MINDY3: variants seen among roughly 807,000 people sequenced by gnomAD.
MINDY3 encodes MINDY lysine 48 deubiquitinase 3.
MINDY3 carries 38 observed loss-of-function variants against 69.2 expected under a neutral mutation model. The ratio of observed to expected loss-of-function variants is 0.55; its 90% CI spans 0.42 to 0.72. The LOEUF (loss-of-function observed/expected upper bound fraction) is 0.72. Ranked by LOEUF, MINDY3 falls within the 30% of genes least tolerant of loss-of-function variation. The probability of loss-of-function intolerance (pLI) is 0.00; values close to 1 mark genes in which losing one functional copy is unlikely to be tolerated. For synonymous variants in MINDY3, 192 were observed against 180.1 expected (o/e 1.07, Z -0.53); for missense variants, 522 against 519.0 (o/e 1.01, Z -0.06).
intron 6 of MINDY3, among the ~76,000 whole-genome samples, chr10:15,834,960 G>T (rs570683390): frequency 1.4e-5 from 2 of 142,930 alleles, no homozygotes; most frequent in East Asian, 3.9e-4. Context: ...ATATGAGCCT[G>T]TTAAGGCAAC....
chr10:15,787,845 G>GTGTT, intron 12 of MINDY3, among the ~76,000 whole-genome samples: 1 of 152,182 alleles, frequency 6.6e-6, no homozygotes, highest in Admixed American at 6.5e-5. Context: ...AGGGTCATTT[G>GTGTT]TGTTTAATTC....
rs184067657 is a variant in MINDY3 at position 15,778,816 on chromosome 10, C to G, written c.*176G>C. ...AGGGGTAAAATAGGATAATCTTTAA[C>G]ATAAAGCTTTAGGACAAATAATTTA... On this transcript the variant is annotated 3_prime_UTR_variant, in exon 15 of 15. Transcript: ENST00000277632. 156 of 519,724 alleles carry G rather than the reference C, an allele frequency of 3.0e-4. 2 individuals carry two copies. In the Middle Eastern group the frequency reaches 3.6e-3, roughly 12 times the overall value. The allele number at this position is 519,724 out of a possible 1,614,324, so 32.2% of individuals were successfully genotyped here.
chr10:15,780,030 G>C (rs1836402320), intron 14 of MINDY3, among the ~76,000 whole-genome samples: 1 of 152,054 alleles, frequency 6.6e-6, no homozygotes, highest in African/African-American at 2.4e-5. Flanking sequence ...TAATTTAAAA[G>C]AAACAGATAC....
Position 15,779,025 on chromosome 10 carries a change from G to C in MINDY3, c.1305C>G (p.Leu435=). Residue 435 remains leucine (L), a synonymous_variant, in exon 15 of 15, where the codon CTC becomes CTG. Transcript: ENST00000277632. ...LQTKWPYIEL[L]WTTDRSPSLN is the part of the protein sequence containing the mutation. ...GTGAAGGAGAGCGATCTGTGGTCCA[G>C]AGTAACTCAATGTATGGCCATTTGG... is the stretch of plus-strand genomic sequence containing the variant. 1.2e-6 allele frequency: 2 copies of C among 1,613,514 alleles called. No homozygotes were observed. The highest frequency in any genetic ancestry group is 1.7e-6 in the Non-Finnish European group (2 of 1,179,702).
intron 3 of MINDY3, among the ~76,000 whole-genome samples, chr10:15,842,400 T>C (rs1211294449): frequency 2.0e-5 from 3 of 151,896 alleles, no homozygotes; most frequent in Non-Finnish European, 4.4e-5. Flanking sequence ...ATATAGTGAA[T>C]ATAGTATAAG....
intron 12 of MINDY3, among the ~76,000 whole-genome samples, chr10:15,787,489 T>C (rs1837062858): frequency 6.6e-6 from 1 of 152,214 alleles, no homozygotes; most frequent in African/African-American, 2.4e-5. Context: ...CAGGTGGTTC[T>C]AGTCAACCAC....
intron 3 of MINDY3, among the ~76,000 whole-genome samples, chr10:15,842,521 T>G (rs1312563353): frequency 2.0e-5 from 3 of 151,918 alleles, no homozygotes; most frequent in Non-Finnish European, 2.9e-5. Flanking sequence ...CTTATGGAAG[T>G]GATCCCTTAA....
chr10:15,813,329 C>T (rs981128165), intron 10 of MINDY3, among the ~76,000 whole-genome samples: 2 of 152,156 alleles, frequency 1.3e-5, no homozygotes, highest in Non-Finnish European at 2.9e-5. Flanking sequence ...TTTCTTCAGG[C>T]ATGAATTTGC....
chr10:15,782,487 T>A (rs530388712), intron 13 of MINDY3, among the ~76,000 whole-genome samples: 62 of 152,192 alleles, frequency 4.1e-4, no homozygotes, highest in African/African-American at 1.4e-3. Flanking sequence ...ATTTTTTTTT[T>A]AATTATGTGC....
At position 15,801,226 on chromosome 10, in the gene MINDY3, G is replaced by A. The variant is rs1838237323; in HGVS notation, c.883-5054C>T. 4.6e-5 allele frequency among the ~76,000 whole-genome samples: 7 copies of A among 152,272 alleles called. No individual in the cohort carries two copies. The South Asian group carries it at 1.0e-3, about 23-fold the overall frequency. On this transcript the variant is annotated intron_variant, in intron 10 of 14. Coordinates refer to ENST00000277632, the MANE Select transcript of MINDY3 (RefSeq NM_024948.4). Reference sequence around the variant, plus strand: ...GACATTTATAAGTAAGGAAGAGAAGGAAGCACTAGGATTTAAGACAGAAAG... The same window carrying A: ...GACATTTATAAGTAAGGAAGAGAAGAAAGCACTAGGATTTAAGACAGAAAG...
chr10:15,809,703 TG>T (rs1468760478), intron 10 of MINDY3, among the ~76,000 whole-genome samples: 2 of 152,150 alleles, frequency 1.3e-5, no homozygotes, highest in African/African-American at 4.8e-5. Context: ...ATAAGGTTCC[TG>T]AAGTTAGATT....
At chr10:15,835,031 T>C (rs1012917422) in intron 6 of MINDY3, among the ~76,000 whole-genome samples, 3 of 152,072 alleles carry the variant, frequency 2.0e-5, no homozygotes, top group African/African-American at 2.4e-5. Flanking sequence ...TGAATATCGA[T>C]AGAGATATAA....
chr10:15,786,686 G>GA (rs372473285), intron 12 of MINDY3, 38 bp from the exon 13 acceptor site: 9,809 of 1,060,648 alleles, frequency 9.2e-3, no homozygotes, highest in Non-Finnish European at 0.01. Context: ...GATACCAGAG[G>GA]AAAAAAAAAA....
intron 1 of MINDY3, among the ~76,000 whole-genome samples, chr10:15,852,071 G>T (rs1193855818): frequency 6.6e-6 from 1 of 152,044 alleles, no homozygotes; most frequent in Non-Finnish European, 1.5e-5. Context: ...TCCTCATAGG[G>T]ATATTTCCTT....
intron 11 of MINDY3, among the ~76,000 whole-genome samples, chr10:15,792,992 G>A (rs1837535247): frequency 6.6e-6 from 1 of 152,060 alleles, no homozygotes; most frequent in South Asian, 2.1e-4. Flanking sequence ...ACTGAGGTAG[G>A]AACTCGTCCA....
chr10:15,783,653 A>G (rs1274821340), intron 13 of MINDY3, among the ~76,000 whole-genome samples: 2 of 152,180 alleles, frequency 1.3e-5, no homozygotes, highest in Admixed American at 1.3e-4. Context: ...CATCTCTTCT[A>G]TTATTTTGAA....
At chr10:15,784,012 C>T (rs977887015) in intron 13 of MINDY3, among the ~76,000 whole-genome samples, 2 of 152,136 alleles carry the variant, frequency 1.3e-5, no homozygotes, top group Admixed American at 6.6e-5. Flanking sequence ...TACTAAAATA[C>T]CTAGTGTATG....
chr10:15,819,230 T>G (rs116237679), intron 9 of MINDY3, among the ~76,000 whole-genome samples: 2,364 of 152,326 alleles, frequency 0.016, 50 homozygotes, highest in African/African-American at 0.051. Flanking sequence ...CTTACAAAAT[T>G]AACACAAGCT....
At chr10:15,855,531 T>C (rs1365050046) in intron 1 of MINDY3, among the ~76,000 whole-genome samples, 1 of 152,122 alleles carries the variant, frequency 6.6e-6, no homozygotes, top group East Asian at 1.9e-4. Context: ...TTGTATCACA[T>C]TACACAGTAC....
Sources: allele counts gnomAD v4.1 joint callset (sites outside exome capture counted in the v4.1 genomes callset), GRCh38; gene constraint gnomAD v4.1.1; transcripts MANE v1.5; gene names NCBI Gene and HGNC (gene_info 2026-07-23, HGNC 2026-07-21).